Variants in NLRP9 observed in about 807,000 individuals in gnomAD.
NLRP9 encodes the protein NLR family pyrin domain containing 9.
NLRP9 carries 88 observed loss-of-function variants against 83.1 expected under a neutral mutation model. The observed-to-expected ratio is 1.06, with a 90% CI of 0.89 to 1.26. NLRP9 has a LOEUF of 1.26. Ranked by LOEUF, NLRP9 falls within the 50% of genes most tolerant of loss-of-function variation. The pLI, the probability that NLRP9 is intolerant of heterozygous loss-of-function variation, is 0.00. For missense variants in NLRP9, 1,308 were observed against 1,179.3 expected, an observed-to-expected ratio of 1.11 and a Z score of -1.60; for synonymous variants, 521 against 447.6, an observed-to-expected ratio of 1.16 and a Z score of -2.07.
intron 3 of NLRP9, among the ~76,000 whole-genome samples, chr19:55,726,266 A>T (rs1041439038): frequency 8.5e-5 from 13 of 152,244 alleles, no homozygotes; most frequent in Non-Finnish European, 1.8e-4. Flanking sequence ...ACATGTAATC[A>T]GGAATCATCG....
In NLRP9 at chr19:55,733,406, G is replaced by T; in HGVS notation, c.425C>A (p.Ala142Glu). 3 of 1,614,042 alleles carry T rather than the reference G, an allele frequency of 1.9e-6. No homozygotes were observed. Among genetic ancestry groups the T allele is most frequent in the South Asian group, 2.2e-5 (2 of 91,068 alleles). ...CAGGACCACAGTGTGTCGTCTAGCC[G>T]CAGCAGTATATGCGTCATTCAATTC... ...YKELNDAYTA[A>E]ARRHTVVLEG... Residue 142 changes from alanine to glutamate, a missense_variant, in exon 2 of 9, where the codon GCG (alanine) becomes GAG (glutamate). By Grantham distance (107) the Ala-to-Glu change is moderately radical (BLOSUM62 -1). Coordinates refer to ENST00000332836, the MANE Select transcript of NLRP9 (RefSeq NM_176820.4).
At chr19:55,729,789 A>G in intron 3 of NLRP9, 42 bp downstream of exon 3, 1 of 1,546,878 alleles carries the variant, frequency 6.5e-7, no homozygotes, top group Non-Finnish European at 8.8e-7. Flanking sequence ...AGAGAAGGAA[A>G]CTCTGCCATT....
intron 1 of NLRP9, among the ~76,000 whole-genome samples, chr19:55,733,940 T>TTTTTTTTTA (rs1988693508): frequency 1.4e-5 from 2 of 145,326 alleles, no homozygotes; most frequent in Non-Finnish European, 3.0e-5. Flanking sequence ...TTTTTTTTTT[T>TTTTTTTTTA]GAGACGGAGT....
rs750308326 is a variant in NLRP9 at position 55,716,732 on chromosome 19, G to A, written c.2326C>T (p.Leu776=). The A allele has an allele frequency of 2.5e-6, 4 of 1,613,080 alleles. No individual in the cohort carries two copies. Among genetic ancestry groups the A allele is most frequent in the Non-Finnish European group, 3.4e-6 (4 of 1,179,250 alleles). Residue 776 remains leucine, a synonymous_variant, in exon 5 of 9, where the codon CTG becomes TTG. Transcript: ENST00000332836. ...GCTTCCCGCAGACCAACTTACATCA[G>A]CCTCTCCAGGGCACAGTGTGAGTGC... ...LKHSHCALER[L]MLMYCCLTSV...
rs760503701 is a variant in NLRP9, at chr19:55,733,132, C to G, written c.699G>C (p.Leu233=). The change falls in exon 2 of 9, where the codon CTG becomes CTC. Residue 233 remains leucine, a synonymous_variant. Coordinates refer to ENST00000332836, the MANE Select transcript of NLRP9 (RefSeq NM_176820.4). ...ILFIMDGFEQ[L]KFNLQLKADL... is the part of the protein sequence containing the mutation. ...CAGCCTTAAGTTGTAAGTTAAACTT[C>G]AGTTGCTCAAAGCCATCCATGATGA... 6.2e-7 allele frequency: 1 copy of G among 1,614,164 alleles called. No individual in the cohort carries two copies. The highest frequency in any genetic ancestry group is 8.5e-7 in the Non-Finnish European group (1 of 1,180,028).
chr19:55,733,690 G>T (rs1328093581), intron 1 of NLRP9, 140 bp from the exon 2 acceptor site: 1 of 602,210 alleles, frequency 1.7e-6, no homozygotes, highest in African/African-American at 1.9e-5. Context: ...TAACCTGAGA[G>T]ACTGGTTCAC....
intron 3 of NLRP9, among the ~76,000 whole-genome samples, chr19:55,726,943 T>G (rs975043750): frequency 6.6e-6 from 1 of 152,174 alleles, no homozygotes; most frequent in Non-Finnish European, 1.5e-5. Flanking sequence ...CTGGACAACT[T>G]AAAATGAATC....
At chr19:55,719,279 A>G (rs1225020328) in intron 4 of NLRP9, among the ~76,000 whole-genome samples, 7 of 152,166 alleles carry the variant, frequency 4.6e-5, no homozygotes, top group African/African-American at 1.4e-4. Context: ...CAGCCTCCCA[A>G]CTAGCTGGGA....
Position 55,708,626 on chromosome 19 carries a change from C to G in NLRP9, c.*286G>C, listed in dbSNP as rs1987545608. 1 of 242,240 alleles carries G rather than the reference C, an allele frequency of 4.1e-6. No homozygotes were observed. Among genetic ancestry groups the G allele is most frequent in the African/African-American group, 2.2e-5 (1 of 44,816 alleles). The allele number at this position is 242,240 out of a possible 1,614,324, so 15.0% of individuals were successfully genotyped here. On this transcript the variant is annotated 3_prime_UTR_variant, in exon 9 of 9. Transcript: ENST00000332836. ...CAAGACATCCATTAAGAAAATAAAG[C>G]CATGCTTTCCAGAGCGTTTAGCACT...
Position 55,733,232 on chromosome 19 carries a change from T to A in NLRP9, c.599A>T (p.Glu200Val), listed in dbSNP as rs764637778. The change falls in exon 2 of 9, where the codon GAG becomes GTG. Residue 200 changes from glutamate (E) to valine (V), a missense_variant. Coordinates refer to ENST00000332836, the MANE Select transcript of NLRP9 (RefSeq NM_176820.4). ...CTCCGGCCAGTCCCTAGAGAGGAGCTCCAGTAAGCTGGTCTCTGCGATACC... is the reference window on the plus strand; with the variant it reads ...CTCCGGCCAGTCCCTAGAGAGGAGCACCAGTAAGCTGGTCTCTGCGATACC... ...MNGIAETSLL[E>V]LLSRDWPESS... 3.7e-6 allele frequency: 6 copies of A among 1,613,820 alleles called. No individual in the cohort carries two copies. In the East Asian group the frequency reaches 1.3e-4, roughly 36 times the overall value.
At chr19:55,711,241 TTTAAAAA>T in intron 8 of NLRP9, 2 of 459,630 alleles carry the variant, frequency 4.4e-6, no homozygotes, top group Non-Finnish European at 5.7e-6. Context: ...CCATTTGTTT[TTTAAAAA>T]ATAAAAAAAT....
chr19:55,711,945 C>T lies in NLRP9; in HGVS notation c.2698G>A (p.Ala900Thr). Reference protein sequence around the residue: ...LGLQTCPITRACCDDIAAALI... With the variant: ...LGLQTCPITRTCCDDIAAALI... ...GCTGCGGCGATGTCGTCGCAGCAGGCACGGGTGATCGGACACGTTTGCAGC... is the reference window on the plus strand; with the variant it reads ...GCTGCGGCGATGTCGTCGCAGCAGGTACGGGTGATCGGACACGTTTGCAGC... The change falls in exon 8 of 9, where the codon GCC (alanine) becomes ACC (threonine). Residue 900 changes from alanine to threonine, a missense_variant. Coordinates refer to ENST00000332836, the MANE Select transcript of NLRP9 (RefSeq NM_176820.4). 1 of 1,613,020 alleles carries T rather than the reference C, an allele frequency of 6.2e-7. No homozygotes were observed. The highest frequency in any genetic ancestry group is 8.5e-7 in the Non-Finnish European group (1 of 1,179,912).
chr19:55,737,137 C>T (rs1439289006), intron 1 of NLRP9: 1 of 151,652 alleles, frequency 6.6e-6, no homozygotes, highest in Non-Finnish European at 1.5e-5. Flanking sequence ...ATCAATGAGT[C>T]CAGCAGAACT....
intron 8 of NLRP9, chr19:55,711,291 G>A (rs1326250057): frequency 8.2e-6 from 7 of 850,140 alleles, no homozygotes; most frequent in Admixed American, 5.5e-5. Flanking sequence ...AAAATCAGAA[G>A]GAAAAATTAA....
In NLRP9 at chr19:55,711,976, A is replaced by C; in HGVS notation, c.2673-6T>G. On this transcript the variant is annotated splice_polypyrimidine_tract_variant and splice_region_variant and intron_variant, in intron 7 of 8. Coordinates refer to ENST00000332836, the MANE Select transcript of NLRP9 (RefSeq NM_176820.4). The stretch of plus-strand genomic sequence containing the variant: ...TGATCGGACACGTTTGCAGCCTGCA[A>C]AAGGGAAACACACCAGAGAATCCAC... 3 of 1,611,508 alleles carry C rather than the reference A, an allele frequency of 1.9e-6. No homozygotes were observed. In the South Asian group the frequency reaches 3.3e-5, roughly 18 times the overall value.
chr19:55,715,368 T>G, intron 5 of NLRP9, 143 bp from the exon 6 acceptor site: 1 of 680,364 alleles, frequency 1.5e-6, no homozygotes, highest in Non-Finnish European at 2.4e-6. Context: ...TTTCCAGATG[T>G]TCCTTGAACT....
chr19:55,734,277 T>C (rs1479014933), intron 1 of NLRP9, among the ~76,000 whole-genome samples: 1 of 144,550 alleles, frequency 6.9e-6, no homozygotes, highest in Non-Finnish European at 1.5e-5. Flanking sequence ...GGCACAAGAA[T>C]TGCTTGAACC....
intron 4 of NLRP9, among the ~76,000 whole-genome samples, chr19:55,718,869 G>A (rs750432656): frequency 4.6e-5 from 7 of 152,208 alleles, no homozygotes; most frequent in Non-Finnish European, 8.8e-5. Flanking sequence ...CAGGTGTGGA[G>A]GGGCTGGCCC....
intron 4 of NLRP9, among the ~76,000 whole-genome samples, chr19:55,719,521 A>AT (rs1988153961): frequency 6.6e-6 from 1 of 152,200 alleles, no homozygotes; most frequent in African/African-American, 2.4e-5. Flanking sequence ...GCAAGTGTTT[A>AT]TGCATGGATT....
Sources: gnomAD v4.1 joint callset for allele counts (sites outside exome capture counted in the v4.1 genomes callset) on GRCh38, gnomAD v4.1.1 for gene constraint, MANE v1.5 for transcripts, NCBI Gene and HGNC (gene_info 2026-07-23, HGNC 2026-07-21) for gene names.